The following GRID2 variants were observed in gnomAD, a reference collection of about 807,000 sequenced individuals.
GRID2 encodes the protein glutamate receptor ionotropic, delta-2.
Under a neutral mutation model 114.8 loss-of-function variants are expected in GRID2, and 33 were observed. That is an observed-to-expected ratio of 0.29 (90% CI 0.22 to 0.38). The LOEUF is 0.38. Ranked by LOEUF, GRID2 falls within the 10% of genes least tolerant of loss-of-function variation. The probability of loss-of-function intolerance (pLI) is 1.00; values close to 1 mark genes in which losing one functional copy is unlikely to be tolerated. For synonymous variants in GRID2, 505 were observed against 449.9 expected, an observed-to-expected ratio of 1.12 and a Z score of -1.55; for missense variants, 1,184 against 1,257.7, an observed-to-expected ratio of 0.94 and a Z score of 0.89.
chr4:93,472,587 C>T (rs1278732415), intron 11 of GRID2, among the ~76,000 whole-genome samples: 1 of 152,054 alleles, frequency 6.6e-6, no homozygotes, highest in Non-Finnish European at 1.5e-5. Flanking sequence ...ATATTCCAGA[C>T]ATTTCAAAGT....
intron 2 of GRID2, among the ~76,000 whole-genome samples, chr4:92,800,193 A>AT (rs1243281061): frequency 2.0e-5 from 3 of 151,872 alleles, no homozygotes; most frequent in Non-Finnish European, 4.4e-5. Flanking sequence ...GGAATACTAT[A>AT]TTTTTTCTAA....
intron 3 of GRID2, among the ~76,000 whole-genome samples, chr4:93,107,550 T>G (rs1732358663): frequency 6.6e-6 from 1 of 152,064 alleles, no homozygotes; most frequent in Admixed American, 6.6e-5. Flanking sequence ...TTAAAAAAAT[T>G]TTTTTTGAGG....
chr4:93,399,747 C>CT (rs1458836750), intron 9 of GRID2, among the ~76,000 whole-genome samples: 1 of 152,062 alleles, frequency 6.6e-6, no homozygotes, highest in Non-Finnish European at 1.5e-5. Context: ...ACTGATCTCA[C>CT]TCCTCTTATC....
At position 93,258,285 on chromosome 4, in the gene GRID2, G is replaced by GA. The variant is rs529043179; in HGVS notation, c.1245+19803dup. 5.5e-3 allele frequency among the ~76,000 whole-genome samples: 827 copies of GA among 150,842 alleles called. 12 individuals are homozygous for GA. The highest frequency in any genetic ancestry group is 0.019 in the African/African-American group (776 of 41,274). On this transcript the variant is annotated intron_variant, in intron 8 of 15. Coordinates refer to ENST00000282020, the MANE Select transcript of GRID2 (RefSeq NM_001510.4). ...AGACAAACTTTTCACTTGCAATAAGGAAAAAAAATGACAATGATAAAAACT... is the reference window on the plus strand; with the variant it reads ...AGACAAACTTTTCACTTGCAATAAGGAAAAAAAAATGACAATGATAAAAACT...
chr4:93,382,604 C>T (rs1040969362), intron 8 of GRID2, among the ~76,000 whole-genome samples: 17 of 151,736 alleles, frequency 1.1e-4, no homozygotes, highest in South Asian at 2.1e-4. Flanking sequence ...TCTTTATGGA[C>T]GTTTATAATT....
chr4:93,307,824 G>A (rs1287982035), intron 8 of GRID2, among the ~76,000 whole-genome samples: 1 of 151,872 alleles, frequency 6.6e-6, no homozygotes, highest in Non-Finnish European at 1.5e-5. Flanking sequence ...GCATTCACAA[G>A]GAAAGGGGTA....
At chr4:92,608,400 C>T (rs966490175) in intron 2 of GRID2, among the ~76,000 whole-genome samples, 2 of 151,804 alleles carry the variant, frequency 1.3e-5, no homozygotes, top group Non-Finnish European at 2.9e-5. Flanking sequence ...AAAGATGCCG[C>T]TTCAAAGGTA....
chr4:92,704,618 G>A lies in GRID2; in HGVS notation c.244+114332G>A, dbSNP rs187506205. Among the ~76,000 whole-genome samples, 114 of 152,108 alleles carry A rather than the reference G, an allele frequency of 7.5e-4. 1 individual carries two copies. Among genetic ancestry groups the A allele is most frequent in the African/African-American group, 2.5e-3 (102 of 41,484 alleles). On this transcript the variant is annotated intron_variant, in intron 2 of 15. Coordinates refer to ENST00000282020, the MANE Select transcript of GRID2 (RefSeq NM_001510.4). ...GATAACAGTGATTGTATAGATGATG[G>A]AGACCTTTCTTTACGTGTAGAATTG...
At chr4:92,482,725 C>G (rs1333295615) in intron 1 of GRID2, among the ~76,000 whole-genome samples, 8 of 152,228 alleles carry the variant, frequency 5.3e-5, no homozygotes, top group South Asian at 2.1e-4. Context: ...TGACTTGTCT[C>G]TGGCTGAAAG....
intron 2 of GRID2, among the ~76,000 whole-genome samples, chr4:92,953,140 C>T (rs1752149645): frequency 6.6e-6 from 1 of 152,116 alleles, no homozygotes; most frequent in Non-Finnish European, 1.5e-5. Flanking sequence ...TTTATTTGAT[C>T]ACGTATACAG....
rs553093821 is a variant in GRID2 at position 93,243,657 on chromosome 4, C to A, written c.1245+5167C>A. Among the ~76,000 whole-genome samples, 8 of 152,158 alleles carry A rather than the reference C, an allele frequency of 5.3e-5. No individual in the cohort carries two copies. The South Asian group carries it at 1.2e-3, about 24-fold the overall frequency. On this transcript the variant is annotated intron_variant, in intron 8 of 15. Coordinates refer to ENST00000282020, the MANE Select transcript of GRID2 (RefSeq NM_001510.4). ...CCCAAATTTTGGACTAGTCTTTGCT[C>A]TCTTGGCATTGTATGAATGATGGTT...
chr4:92,325,300 A>G (rs940643465), intron 1 of GRID2, among the ~76,000 whole-genome samples: 1 of 151,930 alleles, frequency 6.6e-6, no homozygotes, highest in African/African-American at 2.4e-5. Flanking sequence ...TTGAAGGGTC[A>G]AATGAAAAAT....
rs558975647 is a variant in GRID2 at position 92,816,380 on chromosome 4, C to T, written c.244+226094C>T. On this transcript the variant is annotated intron_variant, in intron 2 of 15. Transcript: ENST00000282020. Reference sequence around the variant, plus strand: ...AAGATGTACCTTAACCCATTTATGCCGAATGTACTTTAACCCATTTGTCTT... The same window carrying T: ...AAGATGTACCTTAACCCATTTATGCTGAATGTACTTTAACCCATTTGTCTT... 1.2e-4 allele frequency among the ~76,000 whole-genome samples: 18 copies of T among 150,586 alleles called. No homozygotes were observed. The South Asian group carries it at 3.8e-3, about 32-fold the overall frequency.
Position 93,772,537 on chromosome 4 carries a change from TC to T in GRID2, c.*42del, listed in dbSNP as rs779878945. On this transcript the variant is annotated 3_prime_UTR_variant, in exon 16 of 16. Coordinates refer to ENST00000282020, the MANE Select transcript of GRID2 (RefSeq NM_001510.4). ...CTCTTCACTGTTTCTTTTTTAGGAC[TC>T]CCTTTGCAAGGAGCAACTGTAATAT... 7.0e-7 allele frequency: 1 copy of T among 1,423,096 alleles called. No homozygotes were observed. Among genetic ancestry groups the T allele is most frequent in the Admixed American group, 2.1e-5 (1 of 46,548 alleles). The allele number at this position is 1,423,096 out of a possible 1,614,324, so 88.2% of individuals were successfully genotyped here. A position where few individuals can be genotyped will look rare whatever the true frequency, so the allele number is the denominator to read the frequency against.
At chr4:92,664,763 T>C (rs1443569618) in intron 2 of GRID2, among the ~76,000 whole-genome samples, 2 of 151,258 alleles carry the variant, frequency 1.3e-5, no homozygotes, top group Admixed American at 6.6e-5. Context: ...GTTGATTCTG[T>C]TATTAATACA....
chr4:92,808,168 A>G (rs960776603), intron 2 of GRID2, among the ~76,000 whole-genome samples: 5 of 152,008 alleles, frequency 3.3e-5, no homozygotes, highest in African/African-American at 1.2e-4. Flanking sequence ...GGGTATCACT[A>G]GAGACTGGAA....
At chr4:92,893,689 C>T (rs1746959552) in intron 2 of GRID2, among the ~76,000 whole-genome samples, 1 of 152,000 alleles carries the variant, frequency 6.6e-6, no homozygotes, top group South Asian at 2.1e-4. Context: ...TAAAAGATTT[C>T]CTACTGTGCC....
At chr4:93,270,341 G>T (rs73837745) in intron 8 of GRID2, among the ~76,000 whole-genome samples, 1 of 151,878 alleles carries the variant, frequency 6.6e-6, no homozygotes, top group South Asian at 2.1e-4. Context: ...ATGCAATGCC[G>T]ATTACACTCT....
chr4:93,790,774 A>G (rs1734679245), intron 1 of GRID2, among the ~76,000 whole-genome samples: 1 of 152,212 alleles, frequency 6.6e-6, no homozygotes, highest in African/African-American at 2.4e-5. Flanking sequence ...GGCAGCCCAA[A>G]GAAATTAGAG....
Sources: allele counts gnomAD v4.1 joint callset (sites outside exome capture counted in the v4.1 genomes callset), GRCh38; gene constraint gnomAD v4.1.1; transcripts MANE v1.5; gene names NCBI Gene and HGNC (gene_info 2026-07-23, HGNC 2026-07-21).